The following ANO4 variants were observed in gnomAD, a reference collection of about 807,000 sequenced individuals.
The protein encoded by ANO4 is anoctamin 4.
Under a neutral mutation model 141.9 loss-of-function variants are expected in ANO4, and 69 were observed. That is an observed-to-expected ratio of 0.49 (90% CI 0.40 to 0.59). The LOEUF is 0.59. Among genes scored for constraint, ANO4 ranks in the 20% least tolerant of loss-of-function variants. The probability of loss-of-function intolerance (pLI) is 0.00; values close to 1 mark genes in which losing one functional copy is unlikely to be tolerated. For missense variants in ANO4, 894 were observed against 1,162.2 expected, an observed-to-expected ratio of 0.77 and a Z score of 3.36; for synonymous variants, 350 against 394.3, an observed-to-expected ratio of 0.89 and a Z score of 1.33.
intron 1 of ANO4, among the ~76,000 whole-genome samples, chr12:100,799,350 GA>G (rs1355702518): frequency 6.6e-6 from 1 of 152,148 alleles, no homozygotes; most frequent in Non-Finnish European, 1.5e-5. Context: ...GTGTTACTCA[GA>G]AAAGTGTGAT....
chr12:100,723,477 A>G (rs7315552), intron 1 of ANO4, among the ~76,000 whole-genome samples: 66,691 of 151,906 alleles, frequency 0.44, 15,162 homozygotes, highest in Non-Finnish European at 0.5. Context: ...TAAGGGAACT[A>G]ATCCCATCAC....
intron 27 of ANO4, among the ~76,000 whole-genome samples, chr12:101,127,374 C>T (rs1263082139): frequency 6.6e-6 from 1 of 152,098 alleles, no homozygotes; most frequent in African/African-American, 2.4e-5. Flanking sequence ...CTCTCTTTTC[C>T]TCCAGCCGGG....
rs1445674481 is a variant in ANO4, at chr12:101,000,829, T to C, written c.734+13159T>C. Among the ~76,000 whole-genome samples, 3 of 152,192 alleles carry C rather than the reference T, an allele frequency of 2.0e-5. No individual in the cohort carries two copies. In the East Asian group the frequency reaches 5.8e-4, roughly 29 times the overall value. ...TACCTCTGGGTATCTGGAGGCCCAGTAGTTAGTTGGGTCTGTTATCTTAAT... is the reference window on the plus strand; with the variant it reads ...TACCTCTGGGTATCTGGAGGCCCAGCAGTTAGTTGGGTCTGTTATCTTAAT... On this transcript the variant is annotated intron_variant, in intron 8 of 27. Transcript: ENST00000392977.
intron 1 of ANO4, among the ~76,000 whole-genome samples, chr12:100,801,110 TC>T (rs1593363528): frequency 1.3e-5 from 2 of 151,708 alleles, no homozygotes; most frequent in East Asian, 3.9e-4. Flanking sequence ...TCTCTCTCTC[TC>T]TCTCTCTCTC....
At chr12:101,042,279 A>T (rs2047437784) in intron 11 of ANO4, 55 bp from the exon 12 acceptor site, 3 of 1,601,494 alleles carry the variant, frequency 1.9e-6, no homozygotes, top group Non-Finnish European at 2.6e-6. Context: ...AAGTTTCATA[A>T]TGCTTAACTT....
intron 1 of ANO4, among the ~76,000 whole-genome samples, chr12:100,836,653 C>T (rs563655319): frequency 6.6e-6 from 1 of 152,078 alleles, no homozygotes; most frequent in South Asian, 2.1e-4. Flanking sequence ...AAGAGGAGGT[C>T]TTCTAATGAG....
chr12:100,954,244 C>T (rs373854975), intron 5 of ANO4, among the ~76,000 whole-genome samples: 2 of 152,180 alleles, frequency 1.3e-5, no homozygotes, highest in South Asian at 4.1e-4. Flanking sequence ...TGTAAGACCA[C>T]TTAAAAGGTT....
intron 21 of ANO4, among the ~76,000 whole-genome samples, chr12:101,098,683 A>C (rs563488360): frequency 6.6e-6 from 1 of 152,346 alleles, no homozygotes; most frequent in South Asian, 2.1e-4. Context: ...AAAACTTTTA[A>C]AAAATAAAAC....
chr12:101,085,386 G>T (rs913695213), intron 16 of ANO4, among the ~76,000 whole-genome samples: 1 of 152,062 alleles, frequency 6.6e-6, no homozygotes, highest in Admixed American at 6.6e-5. Flanking sequence ...TTTAAAAAAA[G>T]GTTAGTTGTA....
chr12:100,950,777 C>A lies in ANO4; in HGVS notation c.456+8242C>A, dbSNP rs142858313. Among the ~76,000 whole-genome samples the A allele has an allele frequency of 4.1e-4, 62 of 152,214 alleles. No homozygotes were observed. In the East Asian group the frequency reaches 5.2e-3, roughly 13 times the overall value. On this transcript the variant is annotated intron_variant, in intron 5 of 27. Transcript: ENST00000392977. ...AAGGTGGTGAGAGGTAGGCACTGTC[C>A]GTTTGGCTGAGGATCATTCTGGGTA...
intron 9 of ANO4, among the ~76,000 whole-genome samples, chr12:101,026,722 G>A (rs563930535): frequency 3.3e-5 from 5 of 151,990 alleles, no homozygotes; most frequent in East Asian, 1.9e-4. Flanking sequence ...AGGAAAACTC[G>A]TATACAAAAG....
intron 4 of ANO4, among the ~76,000 whole-genome samples, chr12:100,942,083 C>A (rs924997428): frequency 6.6e-6 from 1 of 151,764 alleles, no homozygotes; most frequent in East Asian, 1.9e-4. Flanking sequence ...CAGGTTCAAG[C>A]AATTCCCCTG....
intron 14 of ANO4, among the ~76,000 whole-genome samples, chr12:101,058,468 A>C (rs1411839180): frequency 1.3e-5 from 2 of 152,176 alleles, no homozygotes; most frequent in Admixed American, 6.5e-5. Context: ...GGCCATTTTC[A>C]CAATATTGAT....
chr12:101,019,656 G>A (rs900069666), intron 8 of ANO4, among the ~76,000 whole-genome samples: 1 of 152,100 alleles, frequency 6.6e-6, no homozygotes, highest in African/African-American at 2.4e-5. Context: ...CATTGATTAT[G>A]CCATGGGAGA....
chr12:100,851,220 T>G lies in ANO4; in HGVS notation c.-140-50426T>G, dbSNP rs2037854634. Among the ~76,000 whole-genome samples the G allele has an allele frequency of 2.0e-5, 3 of 152,204 alleles. No individual in the cohort carries two copies. In the South Asian group the frequency reaches 6.2e-4, roughly 31 times the overall value. On this transcript the variant is annotated intron_variant, in intron 1 of 27. Transcript: ENST00000392977. ...TGTCCATATCATATATTCTTTTAAC[T>G]TTGTCCCCCATTTTTTAAAAACATG... is the stretch of plus-strand genomic sequence containing the variant.
At chr12:100,890,709 C>G (rs2040062233) in intron 1 of ANO4, among the ~76,000 whole-genome samples, 1 of 152,128 alleles carries the variant, frequency 6.6e-6, no homozygotes, top group Non-Finnish European at 1.5e-5. Flanking sequence ...TCTCCTGCCC[C>G]TACATGTGCA....
At chr12:100,844,266 A>G (rs1370787671) in intron 1 of ANO4, among the ~76,000 whole-genome samples, 4 of 152,112 alleles carry the variant, frequency 2.6e-5, no homozygotes, top group South Asian at 2.1e-4. Context: ...AAGAATGATG[A>G]TAAGTTTCAG....
At chr12:101,038,006 A>G (rs1402663479) in intron 10 of ANO4, among the ~76,000 whole-genome samples, 1 of 139,094 alleles carries the variant, frequency 7.2e-6, no homozygotes. Flanking sequence ...AAGTCTTTCC[A>G]AAACATACTT....
rs535368650 is a variant in ANO4, at chr12:101,036,608, C to T, written c.842-487C>T. On this transcript the variant is annotated intron_variant, in intron 9 of 27. Coordinates refer to ENST00000392977, the MANE Select transcript of ANO4 (RefSeq NM_001286615.2). Reference sequence around the variant, plus strand: ...TAAACCAGACACAGAAAGACAAATACTGCATGATCTCACTTATGTGTAGAA... The same window carrying T: ...TAAACCAGACACAGAAAGACAAATATTGCATGATCTCACTTATGTGTAGAA... 1.4e-4 allele frequency among the ~76,000 whole-genome samples: 22 copies of T among 152,308 alleles called. No individual in the cohort carries two copies. In the South Asian group the frequency reaches 4.6e-3, roughly 32 times the overall value.
Sources: allele counts gnomAD v4.1 joint callset (sites outside exome capture counted in the v4.1 genomes callset), GRCh38; gene constraint gnomAD v4.1.1; transcripts MANE v1.5; gene names NCBI Gene and HGNC (gene_info 2026-07-23, HGNC 2026-07-21).